Variants in SLC35F6 observed in about 807,000 individuals in gnomAD.
SLC35F6 encodes solute carrier family 35 member F6, also known as ANT2-binding protein.
In SLC35F6, 26 loss-of-function variants were observed where a neutral mutation model predicts 29.4. The observed-to-expected ratio is 0.89, with a 90% CI of 0.65 to 1.23. The LOEUF is 1.23. SLC35F6 is among the 50% of genes most tolerant of loss of function. The probability of loss-of-function intolerance (pLI) is 0.00; values close to 1 mark genes in which losing one functional copy is unlikely to be tolerated. For missense variants in SLC35F6, 428 were observed against 487.8 expected (o/e 0.88, Z 1.15); for synonymous variants, 174 against 206.6 (o/e 0.84, Z 1.35).
In SLC35F6 at chr2:26,778,658, A is replaced by C; in HGVS notation, c.*147A>C. The C allele has an allele frequency of 1.3e-6, 1 of 742,986 alleles. No individual in the cohort carries two copies. Among genetic ancestry groups the C allele is most frequent in the Non-Finnish European group, 2.1e-6 (1 of 470,178 alleles). 46.0% of individuals were successfully genotyped at this position (742,986 alleles called of 1,614,324 possible). On this transcript the variant is annotated 3_prime_UTR_variant, in exon 6 of 6. Transcript: ENST00000344420. ...CCCCCAGGGCAGCTGCTGCCACAGA[A>C]GATAACAACACCCAAGTCCTCTTTT...
In SLC35F6 at chr2:26,775,362, G is replaced by A. The variant is rs1472798645; in HGVS notation, c.323-102G>A. On this transcript the variant is annotated intron_variant, in intron 3 of 5. Coordinates refer to ENST00000344420, the MANE Select transcript of SLC35F6 (RefSeq NM_017877.4). This position sits in a 1 kb window ranked among gnomAD's most constrained non-coding sequence, Gnocchi z 4.6. ...CACAGGCACACAGGCAGGACTGATC[G>A]AGCGCTTACTATGAGCTTGGCATGT... 19 of 1,522,114 alleles carry A rather than the reference G, an allele frequency of 1.2e-5. No individual in the cohort carries two copies. The highest frequency in any genetic ancestry group is 7.9e-5 in the Admixed American group (4 of 50,570). The allele number at this position is 1,522,114 out of a possible 1,614,324, so 94.3% of individuals were successfully genotyped here. A position where few individuals can be genotyped will look rare whatever the true frequency, so the allele number is the denominator to read the frequency against.
rs867580578 is a variant in SLC35F6 at position 26,772,594 on chromosome 2, A to G, written c.78-1657A>G. The stretch of plus-strand genomic sequence containing the variant: ...CGCCTTGCTAGCCTCAGTCTGGGCC[A>G]GATCACATGCTCTTGGCTCTGGGCC... On this transcript the variant is annotated intron_variant, in intron 1 of 5. Coordinates refer to ENST00000344420, the MANE Select transcript of SLC35F6 (RefSeq NM_017877.4). Among the ~76,000 whole-genome samples, 8 of 152,302 alleles carry G rather than the reference A, an allele frequency of 5.3e-5. No homozygotes were observed. The South Asian group carries it at 8.3e-4, about 16-fold the overall frequency.
At chr2:26,767,972 G>A (rs1664126411) in intron 1 of SLC35F6, among the ~76,000 whole-genome samples, 1 of 152,208 alleles carries the variant, frequency 6.6e-6, no homozygotes. Context: ...ATATGAGCCT[G>A]ACTTCCTTTC....
In SLC35F6 at chr2:26,775,022, C is replaced by A. The variant is rs1339136930; in HGVS notation, c.151-22C>A. On this transcript the variant is annotated intron_variant, in intron 2 of 5. Transcript: ENST00000344420. The surrounding 1 kb of genome is among the most constrained non-coding windows in gnomAD (Gnocchi z 4.6). ...CCGAGATCCCTTCCAGCTCTGAAGT[C>A]CTCGGGTTTTCATCCCTGCAGGCAG... 5.0e-6 allele frequency: 8 copies of A among 1,602,906 alleles called. No individual in the cohort carries two copies. In the South Asian group the frequency reaches 6.7e-5, roughly 13 times the overall value.
rs572994395 is a variant in SLC35F6, at chr2:26,764,884, A to T, written c.77+458A>T. On this transcript the variant is annotated intron_variant, in intron 1 of 5. Coordinates refer to ENST00000344420, the MANE Select transcript of SLC35F6 (RefSeq NM_017877.4). ...CACGGCCCCTCAAGGATGAGGGGTT[A>T]GAGCTGTGCTTTGAAGCTTAGGTGG... 8.1e-6 allele frequency: 8 copies of T among 985,366 alleles called. No homozygotes were observed. The East Asian group carries it at 9.1e-4, about 112-fold the overall frequency. The allele number at this position is 985,366 out of a possible 1,614,324, so 61.0% of individuals were successfully genotyped here.
intron 2 of SLC35F6, among the ~76,000 whole-genome samples, 184 bp from the exon 3 acceptor site, chr2:26,774,860 G>A (rs540296416): frequency 9.2e-5 from 14 of 152,284 alleles, no homozygotes; most frequent in African/African-American, 3.4e-4. Flanking sequence ...AGGATGTATG[G>A]GGGCTTTGGG....
intron 1 of SLC35F6, among the ~76,000 whole-genome samples, chr2:26,768,621 T>G (rs1186857962): frequency 1.3e-5 from 2 of 151,478 alleles, no homozygotes; most frequent in Non-Finnish European, 2.9e-5. Flanking sequence ...CCTCCCAAAG[T>G]GCTGGGATTA....
chr2:26,767,949 C>T (rs1664125670), intron 1 of SLC35F6, among the ~76,000 whole-genome samples: 1 of 152,228 alleles, frequency 6.6e-6, no homozygotes, highest in Non-Finnish European at 1.5e-5. Flanking sequence ...AGGGCCCTCC[C>T]AGCCAGGCAG....
rs200295608 is a variant in SLC35F6 at position 26,778,406 on chromosome 2, C to G, written c.1011C>G (p.His337Gln). 5.6e-6 allele frequency: 9 copies of G among 1,614,132 alleles called. No homozygotes were observed. In the African/African-American group the frequency reaches 9.3e-5, roughly 17 times the overall value. The stretch of plus-strand genomic sequence containing the variant: ...GCACTGCCCTCTACAATGGGCTACA[C>G]CGTCCGCTGCTGGGCCGCCTGTCCA... ...LIGTALYNGLHRPLLGRLSRG... is the reference protein window; with the variant it reads ...LIGTALYNGLQRPLLGRLSRG... The change falls in exon 6 of 6, where the codon CAC (histidine) becomes CAG (glutamine). Residue 337 changes from histidine (H) to glutamine (Q), a missense_variant. Coordinates refer to ENST00000344420, the MANE Select transcript of SLC35F6 (RefSeq NM_017877.4).
intron 5 of SLC35F6, among the ~76,000 whole-genome samples, 195 bp from the exon 6 acceptor site, chr2:26,777,847 A>C (rs1198986235): frequency 6.6e-6 from 1 of 152,000 alleles, no homozygotes. Flanking sequence ...CCCTGAGTAA[A>C]AGTGGAGAAG....
At chr2:26,777,924 G>C in intron 5 of SLC35F6, 118 bp from the exon 6 acceptor site, 1 of 908,412 alleles carries the variant, frequency 1.1e-6, no homozygotes, top group Non-Finnish European at 1.7e-6. Context: ...TGAAAGGAGG[G>C]AGCTGGCATG....
At chr2:26,772,665 G>A (rs1664219662) in intron 1 of SLC35F6, among the ~76,000 whole-genome samples, 1 of 152,182 alleles carries the variant, frequency 6.6e-6, no homozygotes, top group Admixed American at 6.5e-5. Context: ...AGGGGTGAAA[G>A]GTTAGGAGAG....
In SLC35F6 at chr2:26,779,493, C is replaced by G. The variant is rs548161974; in HGVS notation, c.*982C>G. On this transcript the variant is annotated 3_prime_UTR_variant, in exon 6 of 6. Transcript: ENST00000344420. ...CATCCACTGGAAATACCCCTCTGCCCACAGCACCACCCTTCTGTGCTGTTT... is the reference window on the plus strand; with the variant it reads ...CATCCACTGGAAATACCCCTCTGCCGACAGCACCACCCTTCTGTGCTGTTT... The G allele has an allele frequency of 2.5e-4, 38 of 152,378 alleles. No individual in the cohort carries two copies. Among genetic ancestry groups the G allele is most frequent in the African/African-American group, 8.7e-4 (36 of 41,562 alleles). The allele number at this position is 152,378 out of a possible 1,614,324, so 9.4% of individuals were successfully genotyped here.
intron 1 of SLC35F6, among the ~76,000 whole-genome samples, chr2:26,773,290 G>A (rs928146701): frequency 1.3e-5 from 2 of 152,024 alleles, no homozygotes; most frequent in Admixed American, 1.3e-4. Flanking sequence ...CACAAGGTCA[G>A]GAGATTGAGA....
chr2:26,774,648 C>T (rs1664263816), intron 2 of SLC35F6, among the ~76,000 whole-genome samples: 1 of 152,240 alleles, frequency 6.6e-6, no homozygotes, highest in African/African-American at 2.4e-5. Flanking sequence ...AGGGCAGACA[C>T]CATAAATGGA....
At chr2:26,769,297 A>T (rs1292828985) in intron 1 of SLC35F6, among the ~76,000 whole-genome samples, 1 of 151,908 alleles carries the variant, frequency 6.6e-6, no homozygotes, top group Non-Finnish European at 1.5e-5. Context: ...CGGAGAGCCT[A>T]CTCCCCAGCC....
rs1004436320 is a variant in SLC35F6, at chr2:26,780,002, T to C, written c.*1491T>C. ...TTTATTTTTTTGGCAGAGATGGGTC[T>C]CACTGTGTTGCCCAGGCTGATCTCA... On this transcript the variant is annotated 3_prime_UTR_variant, in exon 6 of 6. Coordinates refer to ENST00000344420, the MANE Select transcript of SLC35F6 (RefSeq NM_017877.4). The C allele has an allele frequency of 1.3e-5, 2 of 151,848 alleles. No homozygotes were observed. The highest frequency in any genetic ancestry group is 2.9e-5 in the Non-Finnish European group (2 of 68,140). The allele number at this position is 151,848 out of a possible 1,614,324, so 9.4% of individuals were successfully genotyped here.
chr2:26,777,829 C>CA (rs1432736188), intron 5 of SLC35F6, among the ~76,000 whole-genome samples: 5 of 151,850 alleles, frequency 3.3e-5, no homozygotes, highest in African/African-American at 4.8e-5. Context: ...TTGATCCAGT[C>CA]AAAAAAACCC....
chr2:26,777,927 C>G, intron 5 of SLC35F6, 115 bp from the exon 6 acceptor site: 1 of 949,788 alleles, frequency 1.1e-6, no homozygotes, highest in Non-Finnish European at 1.6e-6. Context: ...AAGGAGGGAG[C>G]TGGCATGAGG....
Sources: gnomAD v4.1 joint callset for allele counts (sites outside exome capture counted in the v4.1 genomes callset) on GRCh38, gnomAD v4.1.1 for gene constraint, Gnocchi (gnomAD v3.1) non-coding constraint, MANE v1.5 for transcripts, NCBI Gene and HGNC (gene_info 2026-07-23, HGNC 2026-07-21) for gene names.